RGS5: variants seen among roughly 807,000 people sequenced by gnomAD.
RGS5 encodes the protein regulator of G-protein signalling 5.
RGS5 carries 20 observed loss-of-function variants against 18.9 expected under a neutral mutation model. The ratio of observed to expected loss-of-function variants is 1.06; its 90% CI spans 0.74 to 1.54. RGS5 has a LOEUF of 1.54. RGS5 is among the 40% of genes most tolerant of loss of function. RGS5 has a pLI of 0.00. For missense variants in RGS5, 201 were observed against 211.8 expected, an observed-to-expected ratio of 0.95 and a Z score of 0.32; for synonymous variants, 57 against 76.2, an observed-to-expected ratio of 0.75 and a Z score of 1.31.
chr1:163,164,163 G>C (rs1156304553), intron 2 of RGS5, among the ~76,000 whole-genome samples: 1 of 152,136 alleles, frequency 6.6e-6, no homozygotes, highest in Non-Finnish European at 1.5e-5. Context: ...TACCAGCCTA[G>C]GAGTTAACAG....
chr1:163,196,487 A>C (rs1659568818), intron 1 of RGS5, among the ~76,000 whole-genome samples: 1 of 152,174 alleles, frequency 6.6e-6, no homozygotes, highest in African/African-American at 2.4e-5. Flanking sequence ...TCTGGGATCT[A>C]AAAGTGTTAT....
intron 2 of RGS5, among the ~76,000 whole-genome samples, chr1:163,276,055 C>T (rs1648844539): frequency 1.3e-5 from 2 of 151,948 alleles, no homozygotes; most frequent in Admixed American, 6.6e-5. Context: ...AGTACAATGG[C>T]GCGATCTTGG....
At chr1:163,209,873 T>G (rs970798086) in intron 1 of RGS5, among the ~76,000 whole-genome samples, 3 of 152,222 alleles carry the variant, frequency 2.0e-5, no homozygotes, top group African/African-American at 7.2e-5. Context: ...AGTACAATAT[T>G]GAGAAGGGCA....
At chr1:163,271,189 T>C (rs571382850) in intron 2 of RGS5, among the ~76,000 whole-genome samples, 6 of 152,290 alleles carry the variant, frequency 3.9e-5, no homozygotes, top group South Asian at 2.1e-4. Context: ...AATGGAACCA[T>C]AGAATACATA....
chr1:163,202,427 C>T (rs576776590), intron 1 of RGS5, among the ~76,000 whole-genome samples: 2 of 152,258 alleles, frequency 1.3e-5, no homozygotes, highest in East Asian at 3.9e-4. Flanking sequence ...ATAGTACTTA[C>T]ACAAATAGTA....
chr1:163,289,454 G>A (rs889496413), intron 2 of RGS5, among the ~76,000 whole-genome samples: 3 of 151,978 alleles, frequency 2.0e-5, no homozygotes, highest in African/African-American at 7.2e-5. Context: ...ATGAATGGCT[G>A]TCTAATGAGA....
Position 163,317,906 on chromosome 1 carries a change from G to T in RGS5, c.-378+3716C>A, listed in dbSNP as rs147429644. Among the ~76,000 whole-genome samples the T allele has an allele frequency of 8.7e-4, 131 of 151,232 alleles. 1 individual carries two copies. The East Asian group carries it at 0.019, about 22-fold the overall frequency. ...AACTCTGTCAGGAAATTATTAGATT[G>T]GTTATTGCCATATTTGCTTGTTCAT... On this transcript the variant is annotated intron_variant, in intron 1 of 5. Coordinates refer to the RGS5 transcript ENST00000618415.
intron 2 of RGS5, among the ~76,000 whole-genome samples, chr1:163,262,151 C>CTTTTTTTTT (rs532698783): frequency 2.6e-4 from 31 of 121,094 alleles, no homozygotes; most frequent in South Asian, 5.9e-4. Flanking sequence ...AGTTTTGAAA[C>CTTTTTTTTT]TTTTTTTTTT....
rs189425927 is a variant in RGS5, at chr1:163,311,541, T to C, written c.-377-5212A>G. 5.3e-5 allele frequency among the ~76,000 whole-genome samples: 8 copies of C among 152,306 alleles called. No individual in the cohort carries two copies. The East Asian group carries it at 1.5e-3, about 29-fold the overall frequency. Reference sequence around the variant, plus strand: ...TTGACTCTTTCTTTCACTTGAAGGCTTGGAGGACATTATATGGTTATTAAT... The same window carrying C: ...TTGACTCTTTCTTTCACTTGAAGGCCTGGAGGACATTATATGGTTATTAAT... On this transcript the variant is annotated intron_variant, in intron 1 of 5. Coordinates refer to the RGS5 transcript ENST00000618415.
chr1:163,264,052 G>C (rs1256812130), intron 2 of RGS5, among the ~76,000 whole-genome samples: 1 of 151,894 alleles, frequency 6.6e-6, no homozygotes, highest in East Asian at 1.9e-4. Flanking sequence ...GCACAAACTG[G>C]GGGAAATTCC....
At chr1:163,298,905 T>A (rs150511635) in intron 2 of RGS5, among the ~76,000 whole-genome samples, 3 of 152,294 alleles carry the variant, frequency 2.0e-5, no homozygotes, top group African/African-American at 7.2e-5. Flanking sequence ...GTTAAGTAGA[T>A]AATTACCTTG....
chr1:163,257,052 A>G (rs1648292544), intron 2 of RGS5, among the ~76,000 whole-genome samples: 1 of 152,142 alleles, frequency 6.6e-6, no homozygotes, highest in African/African-American at 2.4e-5. Context: ...AGGTTTTATT[A>G]TGGGCCTAGT....
chr1:163,301,826 T>A (rs1649560353), intron 2 of RGS5, among the ~76,000 whole-genome samples: 1 of 152,172 alleles, frequency 6.6e-6, no homozygotes, highest in Admixed American at 6.5e-5. Context: ...TAAATAGAAA[T>A]TCTTGCTTTC....
intron 1 of RGS5, among the ~76,000 whole-genome samples, chr1:163,179,284 C>T (rs1257437312): frequency 6.6e-6 from 1 of 152,212 alleles, no homozygotes; most frequent in East Asian, 1.9e-4. Context: ...TTAAACCTTA[C>T]CTTGCCTTAG....
chr1:163,291,981 T>C (rs752271237), intron 2 of RGS5, among the ~76,000 whole-genome samples: 8 of 152,228 alleles, frequency 5.3e-5, no homozygotes, highest in Non-Finnish European at 8.8e-5. Context: ...ATAATTACTT[T>C]TCAAGCCCAA....
At chr1:163,190,420 C>T (rs999750657) in intron 1 of RGS5, among the ~76,000 whole-genome samples, 1 of 152,128 alleles carries the variant, frequency 6.6e-6, no homozygotes, top group Admixed American at 6.5e-5. Context: ...CAGAGAAACA[C>T]TCTAATGGGG....
chr1:163,320,368 C>G (rs902493621), intron 1 of RGS5, among the ~76,000 whole-genome samples: 2 of 152,116 alleles, frequency 1.3e-5, no homozygotes, highest in Non-Finnish European at 2.9e-5. Flanking sequence ...TTCATGATAC[C>G]GTATAAAGCA....
intron 1 of RGS5, among the ~76,000 whole-genome samples, chr1:163,198,225 C>T (rs1159311836): frequency 6.6e-6 from 1 of 151,940 alleles, no homozygotes; most frequent in African/African-American, 2.4e-5. Context: ...TTACCTTTCC[C>T]ATTTACTTCC....
At chr1:163,294,913 G>C (rs903388378) in intron 2 of RGS5, among the ~76,000 whole-genome samples, 4 of 152,074 alleles carry the variant, frequency 2.6e-5, no homozygotes, top group Non-Finnish European at 5.9e-5. Flanking sequence ...GATCTCTAGG[G>C]CAGGGGCAAA....
Sources: gnomAD v4.1 joint callset for allele counts (sites outside exome capture counted in the v4.1 genomes callset) on GRCh38, gnomAD v4.1.1 for gene constraint, MANE v1.5 for transcripts, NCBI Gene and HGNC (gene_info 2026-07-23, HGNC 2026-07-21) for gene names.